Variants in CPEB1 observed in about 807,000 individuals in gnomAD.
CPEB1 encodes cytoplasmic polyadenylation element binding protein 1, also known as cytoplasmic polyadenylation element-binding protein 1.
CPEB1 carries 7 observed loss-of-function variants against 65.8 expected under a neutral mutation model. That is an observed-to-expected ratio of 0.11 (90% CI 0.06 to 0.20). The LOEUF (loss-of-function observed/expected upper bound fraction) is 0.20. Ranked by LOEUF, CPEB1 falls within the 10% of genes least tolerant of loss-of-function variation. The probability of loss-of-function intolerance (pLI) is 1.00; values close to 1 mark genes in which losing one functional copy is unlikely to be tolerated. For synonymous variants in CPEB1, 262 were observed against 260.0 expected (o/e 1.01, Z -0.08); for missense variants, 551 against 712.2 (o/e 0.77, Z 2.58).
chr15:82,558,057 T>G, intron 4 of CPEB1, 71 bp from the exon 5 acceptor site: 1 of 1,077,774 alleles, frequency 9.3e-7, no homozygotes, highest in East Asian at 2.4e-5. Flanking sequence ...TTTCTTCTCC[T>G]ACAGCCACCC....
chr15:82,609,104 A>C (rs1056058642), intron 3 of CPEB1, among the ~76,000 whole-genome samples: 5 of 152,262 alleles, frequency 3.3e-5, no homozygotes, highest in African/African-American at 4.8e-5. Flanking sequence ...ATCGAAGAAG[A>C]AATCACAGGG....
At chr15:82,601,418 G>T (rs964754952) in intron 3 of CPEB1, among the ~76,000 whole-genome samples, 2 of 151,754 alleles carry the variant, frequency 1.3e-5, no homozygotes, top group Admixed American at 6.6e-5. Flanking sequence ...GCAGGCGCCT[G>T]TAATCCCAGC....
intron 3 of CPEB1, among the ~76,000 whole-genome samples, chr15:82,613,148 C>G (rs1399591295): frequency 6.6e-6 from 1 of 152,024 alleles, no homozygotes; most frequent in African/African-American, 2.4e-5. Context: ...TGCATGAATA[C>G]AAAAATCCTG....
At chr15:82,549,701 C>CAG in intron 9 of CPEB1, 43 bp from the exon 10 acceptor site, 2 of 1,587,888 alleles carry the variant, frequency 1.3e-6, no homozygotes, top group East Asian at 4.5e-5. Context: ...CAGAGAGCCA[C>CAG]AGAGAGAGAG....
At chr15:82,570,069 T>C (rs2039776479) in intron 4 of CPEB1, among the ~76,000 whole-genome samples, 1 of 152,186 alleles carries the variant, frequency 6.6e-6, no homozygotes. Flanking sequence ...AACCCTATCT[T>C]AACCCAGAGA....
At chr15:82,626,955 CCTTTT>C (rs1482718917) in intron 3 of CPEB1, among the ~76,000 whole-genome samples, 1 of 152,124 alleles carries the variant, frequency 6.6e-6, no homozygotes, top group Non-Finnish European at 1.5e-5. Flanking sequence ...TAATCTGTGA[CCTTTT>C]CTTTTTTCCC....
intron 3 of CPEB1, among the ~76,000 whole-genome samples, chr15:82,614,451 C>G (rs1324527167): frequency 6.6e-6 from 1 of 152,056 alleles, no homozygotes; most frequent in East Asian, 1.9e-4. Flanking sequence ...AAGAATTAAA[C>G]AAAACACAAT....
At chr15:82,625,305 C>T (rs2045663658) in intron 3 of CPEB1, among the ~76,000 whole-genome samples, 1 of 152,108 alleles carries the variant, frequency 6.6e-6, no homozygotes, top group African/African-American at 2.4e-5. Context: ...CACCCCCACC[C>T]CCAAGTATGC....
At chr15:82,621,307 C>T (rs960198716) in intron 3 of CPEB1, among the ~76,000 whole-genome samples, 2 of 124,628 alleles carry the variant, frequency 1.6e-5, no homozygotes, top group African/African-American at 3.4e-5. Context: ...AACACAGTGA[C>T]ACCATGTCTC....
chr15:82,618,619 C>G (rs570021262), intron 3 of CPEB1, among the ~76,000 whole-genome samples: 20 of 152,190 alleles, frequency 1.3e-4, no homozygotes, highest in African/African-American at 4.8e-4. Context: ...ACTCAAATGT[C>G]CAAAACCTGA....
chr15:82,596,697 C>CAAA (rs59895391), intron 3 of CPEB1, among the ~76,000 whole-genome samples: 2 of 89,098 alleles, frequency 2.2e-5, no homozygotes, highest in East Asian at 3.3e-4. Flanking sequence ...GACTCTGTCT[C>CAAA]AAAAAAAAAA....
chr15:82,595,367 A>C (rs535287302), intron 3 of CPEB1, among the ~76,000 whole-genome samples: 131 of 152,318 alleles, frequency 8.6e-4, no homozygotes, highest in Non-Finnish European at 1.6e-3. Flanking sequence ...ACCTTGAGTA[A>C]CCGCCAAATT....
Position 82,544,399 on chromosome 15 carries a change from CAA to C in CPEB1, c.*191_*192del. The stretch of plus-strand genomic sequence containing the variant: ...TTGCCCTTGGTACACCCCCTGAAAA[CAA>C]AACCTGACAAAACTCAATGTGCATT... On this transcript the variant is annotated 3_prime_UTR_variant, in exon 13 of 13. Transcript: ENST00000684509. 2.4e-6 allele frequency: 1 copy of C among 415,024 alleles called. No homozygotes were observed. The highest frequency in any genetic ancestry group is 4.4e-6 in the Non-Finnish European group (1 of 226,728). The allele number at this position is 415,024 out of a possible 1,614,324, so 25.7% of individuals were successfully genotyped here. A position where few individuals can be genotyped will look rare whatever the true frequency, so the allele number is the denominator to read the frequency against.
At chr15:82,613,749 G>A (rs891952571) in intron 3 of CPEB1, among the ~76,000 whole-genome samples, 1 of 152,148 alleles carries the variant, frequency 6.6e-6, no homozygotes, top group Non-Finnish European at 1.5e-5. Flanking sequence ...CATATTTAAA[G>A]GAGAAATGCT....
chr15:82,613,730 C>G (rs2044400840), intron 3 of CPEB1, among the ~76,000 whole-genome samples: 1 of 152,208 alleles, frequency 6.6e-6, no homozygotes, highest in Non-Finnish European at 1.5e-5. Flanking sequence ...AAAACATTCA[C>G]AACTTCAGCA....
chr15:82,606,238 C>T (rs1247183404), intron 3 of CPEB1, among the ~76,000 whole-genome samples: 4 of 151,124 alleles, frequency 2.6e-5, no homozygotes, highest in Admixed American at 2.0e-4. Flanking sequence ...GAGGCCGAGG[C>T]AGGCGGATCA....
chr15:82,648,422 C>T (rs1000458738), upstream of CPEB1: 2 of 152,504 alleles, frequency 1.3e-5, no homozygotes, highest in East Asian at 3.9e-4. Flanking sequence ...CCCCTGGGCT[C>T]CAGGAGGCGC....
At chr15:82,547,428 C>G (rs1022201890) in intron 10 of CPEB1, among the ~76,000 whole-genome samples, 191 bp from the exon 11 acceptor site, 1 of 150,876 alleles carries the variant, frequency 6.6e-6, no homozygotes, top group African/African-American at 2.4e-5. Flanking sequence ...TCCCGAGTAG[C>G]TGGGACTACA....
intron 3 of CPEB1, among the ~76,000 whole-genome samples, chr15:82,600,464 C>A (rs909075738): frequency 4.6e-5 from 7 of 151,024 alleles, no homozygotes; most frequent in South Asian, 2.1e-4. Context: ...AAAAAAAAAA[C>A]AATGAAAAGA....
Sources: gnomAD v4.1 joint callset for allele counts (sites outside exome capture counted in the v4.1 genomes callset) on GRCh38, gnomAD v4.1.1 for gene constraint, MANE v1.5 for transcripts, NCBI Gene and HGNC (gene_info 2026-07-23, HGNC 2026-07-21) for gene names.